RPS6KB1: variants seen among roughly 807,000 people sequenced by gnomAD.
RPS6KB1 encodes ribosomal protein S6 kinase B1.
A neutral mutation model predicts 70.2 loss-of-function variants in RPS6KB1; 12 were observed. The observed-to-expected ratio is 0.17, with a 90% CI of 0.11 to 0.28. The LOEUF (loss-of-function observed/expected upper bound fraction) is 0.28. Ranked by LOEUF, RPS6KB1 falls within the 10% of genes least tolerant of loss-of-function variation. RPS6KB1 has a pLI of 1.00. For synonymous variants in RPS6KB1, 175 were observed against 211.2 expected (o/e 0.83, Z 1.49); for missense variants, 270 against 646.6 (o/e 0.42, Z 6.32).
intron 12 of RPS6KB1, among the ~76,000 whole-genome samples, chr17:59,937,527 C>T (rs2044312473): frequency 6.6e-6 from 1 of 152,122 alleles, no homozygotes; most frequent in South Asian, 2.1e-4. Flanking sequence ...CATGCCTCTC[C>T]CCTGGCTTCT....
chr17:59,901,625 G>GAAAAAAAA (rs58530265), intron 1 of RPS6KB1, among the ~76,000 whole-genome samples: 3 of 79,186 alleles, frequency 3.8e-5, no homozygotes, highest in African/African-American at 5.7e-5. Flanking sequence ...CCCTGTCTCT[G>GAAAAAAAA]AAAAAAAAAA....
chr17:59,911,111 C>T (rs984982990), intron 2 of RPS6KB1, among the ~76,000 whole-genome samples: 11 of 152,160 alleles, frequency 7.2e-5, no homozygotes, highest in South Asian at 2.1e-4. Context: ...GGCGAAACCC[C>T]GTCTCTTCTT....
In RPS6KB1 at chr17:59,946,660, A is replaced by G. The variant is rs137873345; in HGVS notation, c.1450A>G (p.Met484Val). 2 of 1,614,024 alleles carry G rather than the reference A, an allele frequency of 1.2e-6. No individual in the cohort carries two copies. The highest frequency in any genetic ancestry group is 1.3e-5 in the African/African-American group (1 of 74,914). Residue 484 changes from methionine (M) to valine (V), a missense_variant, in exon 15 of 15, where the codon ATG (methionine) becomes GTG (valine). Met to Val is a conservative substitution (Grantham distance 21, BLOSUM62 1). Around this residue, in one of 4 missense-constraint regions of RPS6KB1, gnomAD observed 133 missense variants for 314.7 expected, o/e 0.42. Transcript: ENST00000225577. The surrounding 1 kb of genome is among the most constrained non-coding windows in gnomAD (Gnocchi z 4.2). Reference protein sequence around the residue: ...YPMETSGIEQMDVTMSGEASA... With the variant: ...YPMETSGIEQVDVTMSGEASA... ...AATGGAAACAAGTGGCATAGAGCAGATGGATGTGACAATGAGTGGGGAAGC... is the reference window on the plus strand; with the variant it reads ...AATGGAAACAAGTGGCATAGAGCAGGTGGATGTGACAATGAGTGGGGAAGC...
At chr17:59,925,277 C>A (rs185327349) in intron 4 of RPS6KB1, among the ~76,000 whole-genome samples, 26 of 152,232 alleles carry the variant, frequency 1.7e-4, no homozygotes, top group Non-Finnish European at 2.9e-4. Flanking sequence ...ATTTGCTTTC[C>A]ATATTACTTA....
intron 1 of RPS6KB1, among the ~76,000 whole-genome samples, chr17:59,897,707 CTGT>C (rs1396385349): frequency 2.1e-3 from 314 of 152,258 alleles, no homozygotes; most frequent in African/African-American, 7.3e-3. Context: ...TGGCTCATGC[CTGT>C]AATCCCAGCA....
At chr17:59,928,218 T>C (rs2043732588) in intron 5 of RPS6KB1, among the ~76,000 whole-genome samples, 1 of 152,046 alleles carries the variant, frequency 6.6e-6, no homozygotes, top group Non-Finnish European at 1.5e-5. Context: ...ATTCCCCAGA[T>C]GTTACCATTT....
At chr17:59,925,122 CGCCCG>C in intron 4 of RPS6KB1, among the ~76,000 whole-genome samples, 1 of 152,132 alleles carries the variant, frequency 6.6e-6, no homozygotes, top group East Asian at 1.9e-4. Context: ...TGAGCCACTG[CGCCCG>C]GCTGATTTTT....
At chr17:59,904,449 A>G (rs112956295) in intron 1 of RPS6KB1, among the ~76,000 whole-genome samples, 1 of 151,484 alleles carries the variant, frequency 6.6e-6, no homozygotes, top group Non-Finnish European at 1.5e-5. Context: ...GCTGGAGTGC[A>G]GTGGCGCCAT....
At chr17:59,903,376 G>A (rs1360020876) in intron 1 of RPS6KB1, among the ~76,000 whole-genome samples, 1 of 151,702 alleles carries the variant, frequency 6.6e-6, no homozygotes, top group Non-Finnish European at 1.5e-5. Context: ...TCGGGAGGCT[G>A]AAGTGGGAGG....
chr17:59,893,230 T>G lies in RPS6KB1; in HGVS notation c.46T>G (p.Phe16Val). The G allele has an allele frequency of 1.2e-6, 2 of 1,612,340 alleles. No individual in the cohort carries two copies. The highest frequency in any genetic ancestry group is 1.7e-6 in the Non-Finnish European group (2 of 1,179,390). Residue 16 changes from phenylalanine (F) to valine (V), a missense_variant, in exon 1 of 15, where the codon TTC (phenylalanine) becomes GTC (valine). Phe to Val is a conservative substitution (Grantham distance 50). This residue lies in a region of RPS6KB1 where 72 missense variants were observed against 93.4 expected (regional missense o/e 0.77). Transcript: ENST00000225577. This position sits in a 1 kb window ranked among gnomAD's most constrained non-coding sequence, Gnocchi z 4.1. The part of the protein sequence containing the change: ...RRDGFYPAPD[F>V]RDREAEDMAG... ...GGACGGCTTTTACCCAGCCCCGGAC[T>G]TCCGAGACAGGGAAGCTGAGGACAT... is the stretch of plus-strand genomic sequence containing the variant.
intron 1 of RPS6KB1, among the ~76,000 whole-genome samples, chr17:59,897,385 A>G (rs946863390): frequency 1.3e-5 from 2 of 152,200 alleles, no homozygotes; most frequent in African/African-American, 4.8e-5. Context: ...TTGTCTTGTC[A>G]TTGCTAAGGA....
intron 5 of RPS6KB1, among the ~76,000 whole-genome samples, chr17:59,929,137 T>G (rs1025940238): frequency 1.3e-5 from 2 of 151,650 alleles, no homozygotes; most frequent in African/African-American, 2.4e-5. Context: ...TTTTGTTGTT[T>G]TTTTTTTTTT....
At chr17:59,903,853 C>G (rs1395644256) in intron 1 of RPS6KB1, among the ~76,000 whole-genome samples, 1 of 152,004 alleles carries the variant, frequency 6.6e-6, no homozygotes, top group Non-Finnish European at 1.5e-5. Flanking sequence ...TGGAGAAATA[C>G]CTATTCAGAT....
chr17:59,898,819 C>T (rs941347767), intron 1 of RPS6KB1, among the ~76,000 whole-genome samples: 15 of 151,938 alleles, frequency 9.9e-5, no homozygotes, highest in Admixed American at 9.8e-4. Flanking sequence ...CTTCCATTTC[C>T]TCTAAGTTAC....
intron 5 of RPS6KB1, among the ~76,000 whole-genome samples, chr17:59,927,354 G>A (rs1054674545): frequency 3.9e-5 from 6 of 152,044 alleles, no homozygotes; most frequent in Non-Finnish European, 7.4e-5. Flanking sequence ...AAAATGCTGG[G>A]ATTACAGGTG....
rs1194861601 is a variant in RPS6KB1, at chr17:59,948,093, C to G, written c.*1305C>G. The G allele has an allele frequency of 6.5e-6, 1 of 152,908 alleles. No homozygotes were observed. The allele number at this position is 152,908 out of a possible 1,614,324, so 9.5% of individuals were successfully genotyped here. On this transcript the variant is annotated 3_prime_UTR_variant, in exon 15 of 15. Transcript: ENST00000225577. Reference sequence around the variant, plus strand: ...TGGCTTAATTTAGGAAACATGTTAACAGGACACTATGTTTTTGAAATTGTA... The same window carrying G: ...TGGCTTAATTTAGGAAACATGTTAAGAGGACACTATGTTTTTGAAATTGTA...
intron 1 of RPS6KB1, among the ~76,000 whole-genome samples, chr17:59,896,009 A>G (rs1416361628): frequency 2.0e-5 from 3 of 152,200 alleles, no homozygotes; most frequent in East Asian, 3.8e-4. Context: ...TACACTAGTT[A>G]CAATTGGAAA....
intron 1 of RPS6KB1, among the ~76,000 whole-genome samples, chr17:59,900,953 G>A (rs1413281582): frequency 2.6e-5 from 4 of 151,322 alleles, no homozygotes; most frequent in Non-Finnish European, 5.9e-5. Context: ...CTTGAAGTTG[G>A]GAGTTCAAGA....
At position 59,934,549 on chromosome 17, in the gene RPS6KB1, T is replaced by A. The variant is rs2044125783; in HGVS notation, c.870+25T>A. ...AGTAGGTGCACAGTTAAAAGCTGCATGTATTATTGGTCTGTGCTGAGTCAC... is the reference window on the plus strand; with the variant it reads ...AGTAGGTGCACAGTTAAAAGCTGCAAGTATTATTGGTCTGTGCTGAGTCAC... On this transcript the variant is annotated intron_variant, in intron 9 of 14. Coordinates refer to ENST00000225577, the MANE Select transcript of RPS6KB1 (RefSeq NM_003161.4). This position sits in a 1 kb window ranked among gnomAD's most constrained non-coding sequence, Gnocchi z 4.8. The A allele has an allele frequency of 1.3e-6, 2 of 1,550,404 alleles. No individual in the cohort carries two copies. Among genetic ancestry groups the A allele is most frequent in the East Asian group, 2.2e-5 (1 of 44,592 alleles).
Sources: gnomAD v4.1 joint callset for allele counts (sites outside exome capture counted in the v4.1 genomes callset) on GRCh38, gnomAD v4.1.1 for gene constraint, gnomAD v4.1.1 regional missense constraint, Gnocchi (gnomAD v3.1) non-coding constraint, MANE v1.5 for transcripts, NCBI Gene and HGNC (gene_info 2026-07-23, HGNC 2026-07-21) for gene names.